FAM185A: variants seen among roughly 807,000 people sequenced by gnomAD.
FAM185A encodes the protein protein FAM185A.
In FAM185A, 21 loss-of-function variants were observed where a neutral mutation model predicts 45.7. That is an observed-to-expected ratio of 0.46 (90% confidence interval 0.33 to 0.66). The LOEUF (loss-of-function observed/expected upper bound fraction) is 0.66. Among genes scored for constraint, FAM185A ranks in the 30% least tolerant of loss-of-function variants. The probability of loss-of-function intolerance (pLI) is 0.03; values close to 1 mark genes in which losing one functional copy is unlikely to be tolerated. For missense variants in FAM185A, 305 were observed against 485.4 expected (o/e 0.63, Z 3.49); for synonymous variants, 117 against 194.0 (o/e 0.60, Z 3.30).
chr7:102,810,751 C>T (rs1359218387), downstream of FAM185A, among the ~76,000 whole-genome samples: 1 of 151,888 alleles, frequency 6.6e-6, no homozygotes, highest in East Asian at 1.9e-4. Flanking sequence ...TGCCACCATG[C>T]TCTAATTTTT....
At chr7:102,762,600 G>C in intron 4 of FAM185A, among the ~76,000 whole-genome samples, 1 of 152,160 alleles carries the variant, frequency 6.6e-6, no homozygotes, top group East Asian at 1.9e-4. Flanking sequence ...TTGTGAGCAA[G>C]AGTTATAGAG....
rs548759713 is a variant in FAM185A at position 102,783,931 on chromosome 7, C to T, written c.932-3404C>T. ...GAAAAGATCAACAAAATTGATAGAC[C>T]GCTAGCAAGACTAATTAAGAAGAAA... On this transcript the variant is annotated intron_variant, in intron 6 of 7. Transcript: ENST00000413034. 8.5e-4 allele frequency among the ~76,000 whole-genome samples: 129 copies of T among 151,944 alleles called. 3 individuals are homozygous for T. In the South Asian group the frequency reaches 0.023, roughly 27 times the overall value.
At chr7:102,784,461 A>C (rs1419442263) in intron 6 of FAM185A, among the ~76,000 whole-genome samples, 1 of 152,262 alleles carries the variant, frequency 6.6e-6, no homozygotes, top group Non-Finnish European at 1.5e-5. Context: ...TGAATCCAGC[A>C]GCACATCAAG....
At chr7:102,843,675 T>C in the FAM185A span, among the ~76,000 whole-genome samples, 1 of 150,794 alleles carries the variant, frequency 6.6e-6, no homozygotes, top group Middle Eastern at 3.6e-3. Flanking sequence ...ACTCCAGAGG[T>C]TGAGACAGGA....
intron 6 of FAM185A, among the ~76,000 whole-genome samples, chr7:102,780,556 G>C (rs1304693645): frequency 6.6e-6 from 1 of 152,104 alleles, no homozygotes; most frequent in Middle Eastern, 3.2e-3. Context: ...TACACACAAG[G>C]CACATCTGAA....
chr7:102,765,812 A>T (rs1189799125), intron 4 of FAM185A, among the ~76,000 whole-genome samples: 1 of 151,478 alleles, frequency 6.6e-6, no homozygotes, highest in Non-Finnish European at 1.5e-5. Context: ...TTGACTTATT[A>T]AATATTCACT....
At position 102,769,634 on chromosome 7, in the gene FAM185A, C is replaced by T. The variant is rs1794630111; in HGVS notation, c.794-2775C>T. Among the ~76,000 whole-genome samples the T allele has an allele frequency of 2.0e-5, 3 of 152,228 alleles. No homozygotes were observed. In the South Asian group the frequency reaches 6.2e-4, roughly 32 times the overall value. ...TCAGGAGGTAGAGCAGTGTCTTAGT[C>T]TGTTTTCTGTTGCTATAACAGAATA... On this transcript the variant is annotated intron_variant, in intron 4 of 7. Transcript: ENST00000413034.
intron 4 of FAM185A, among the ~76,000 whole-genome samples, chr7:102,763,786 A>C (rs1453889709): frequency 1.3e-5 from 2 of 152,222 alleles, no homozygotes; most frequent in Non-Finnish European, 2.9e-5. Context: ...GGAATATAGC[A>C]TCTACTACAG....
intron 4 of FAM185A, among the ~76,000 whole-genome samples, chr7:102,762,189 A>G (rs1794151259): frequency 6.6e-6 from 1 of 152,198 alleles, no homozygotes; most frequent in Non-Finnish European, 1.5e-5. Context: ...AGGTTTTCTC[A>G]GCACCCTGTT....
the FAM185A span, among the ~76,000 whole-genome samples, chr7:102,822,889 G>C: frequency 2.8e-3 from 430 of 152,230 alleles, 10 homozygotes; most frequent in Admixed American, 0.026. Flanking sequence ...GGGCCACATG[G>C]TGAAACTCCC....
At chr7:102,770,763 T>C (rs1180650331) in intron 4 of FAM185A, among the ~76,000 whole-genome samples, 1 of 152,142 alleles carries the variant, frequency 6.6e-6, no homozygotes, top group Non-Finnish European at 1.5e-5. Context: ...TTGGTGGGAA[T>C]GTAAATTAGT....
chr7:102,839,432 T>A, the FAM185A span, among the ~76,000 whole-genome samples: 1 of 152,198 alleles, frequency 6.6e-6, no homozygotes, highest in African/African-American at 2.4e-5. Flanking sequence ...TGTCTCTGTG[T>A]CTTATTTCTT....
At chr7:102,793,447 G>C (rs1182770136) in intron 7 of FAM185A, among the ~76,000 whole-genome samples, 1 of 152,030 alleles carries the variant, frequency 6.6e-6, no homozygotes, top group Non-Finnish European at 1.5e-5. Flanking sequence ...CTGACCTCGT[G>C]ATCCGCCCAC....
chr7:102,837,709 C>T, the FAM185A span, among the ~76,000 whole-genome samples: 2 of 152,056 alleles, frequency 1.3e-5, no homozygotes. Flanking sequence ...ATGCCTGGCT[C>T]ATTTTTTAAT....
the FAM185A span, among the ~76,000 whole-genome samples, chr7:102,840,301 T>C: frequency 6.6e-5 from 10 of 152,340 alleles, no homozygotes; most frequent in Middle Eastern, 0.01. Flanking sequence ...TGAACCAGGA[T>C]TGAATTACCC....
chr7:102,820,054 T>C, the FAM185A span, among the ~76,000 whole-genome samples: 1 of 152,218 alleles, frequency 6.6e-6, no homozygotes, highest in Non-Finnish European at 1.5e-5. Flanking sequence ...GACAGATGTT[T>C]CTGGAGCTTT....
At chr7:102,782,319 G>T (rs1171284447) in intron 6 of FAM185A, among the ~76,000 whole-genome samples, 2 of 152,058 alleles carry the variant, frequency 1.3e-5, no homozygotes, top group Non-Finnish European at 2.9e-5. Context: ...GATACTCCTC[G>T]AGAAGAGCAA....
At chr7:102,807,695 C>T (rs372114845) in intron 7 of FAM185A, among the ~76,000 whole-genome samples, 5 of 150,134 alleles carry the variant, frequency 3.3e-5, no homozygotes, top group African/African-American at 7.4e-5. Flanking sequence ...GGGTGGATCA[C>T]GAGGTAAGGA....
At chr7:102,843,437 TCAAAAACAAAAA>T in the FAM185A span, among the ~76,000 whole-genome samples, 1 of 151,024 alleles carries the variant, frequency 6.6e-6, no homozygotes, top group Admixed American at 6.6e-5. Context: ...AAACTCCATC[TCAAAAACAAAAA>T]CAAAAACAAA....
Sources: gnomAD v4.1 joint callset for allele counts (sites outside exome capture counted in the v4.1 genomes callset) on GRCh38, gnomAD v4.1.1 for gene constraint, MANE v1.5 for transcripts, NCBI Gene and HGNC (gene_info 2026-07-23, HGNC 2026-07-21) for gene names.